The following KPNA3 variants were observed in gnomAD, a reference collection of about 807,000 sequenced individuals.
The protein encoded by KPNA3 is importin subunit alpha-4.
A neutral mutation model predicts 73.8 loss-of-function variants in KPNA3; 13 were observed. The observed-to-expected ratio is 0.18, with a 90% CI of 0.11 to 0.28. The LOEUF (loss-of-function observed/expected upper bound fraction) is 0.28, where lower values mean the gene tolerates loss of function less well. Ranked by LOEUF, KPNA3 falls within the 10% of genes least tolerant of loss-of-function variation. The pLI is 1.00. For missense variants in KPNA3, 360 were observed against 618.1 expected (o/e 0.58, Z 4.43); for synonymous variants, 186 against 206.9 (o/e 0.90, Z 0.87).
intron 1 of KPNA3, among the ~76,000 whole-genome samples, chr13:49,782,696 C>T (rs1211490657): frequency 1.3e-5 from 2 of 151,864 alleles, no homozygotes; most frequent in African/African-American, 4.8e-5. Context: ...TTGGACAACA[C>T]GGCGAAACCC....
At chr13:49,784,178 C>A (rs914767765) in intron 1 of KPNA3, among the ~76,000 whole-genome samples, 2 of 152,048 alleles carry the variant, frequency 1.3e-5, no homozygotes, top group Non-Finnish European at 2.9e-5. Context: ...GAGCCATGAT[C>A]GTGTCACTGC....
intron 1 of KPNA3, among the ~76,000 whole-genome samples, chr13:49,786,477 T>C (rs1327866626): frequency 6.6e-6 from 1 of 152,170 alleles, no homozygotes; most frequent in Non-Finnish European, 1.5e-5. Context: ...GAAAGGCTCA[T>C]GGAGAACTTT....
chr13:49,733,679 T>C (rs1016959959), intron 2 of KPNA3, among the ~76,000 whole-genome samples: 1 of 152,202 alleles, frequency 6.6e-6, no homozygotes, highest in African/African-American at 2.4e-5. Flanking sequence ...GCACTGACTG[T>C]AGGCATGGCT....
In KPNA3 at chr13:49,713,674, C is replaced by CACACACACACACACAA. The variant is rs563909268; in HGVS notation, c.772-2653_772-2652insTTGTGTGTGTGTGTGT. 3.5e-4 allele frequency among the ~76,000 whole-genome samples: 49 copies of CACACACACACACACAA among 142,006 alleles called. 3 individuals carry two copies. The highest frequency in any genetic ancestry group is 1.1e-3 in the South Asian group (5 of 4,438). 93.2% of individuals were successfully genotyped at this position (142,006 alleles called of 152,430 possible). ...ACACACACACACACACACACACACA[C>CACACACACACACACAA]AAAACAGAAAAACCCAACAACAAAA... is the stretch of plus-strand genomic sequence containing the variant. On this transcript the variant is annotated intron_variant, in intron 10 of 16. Coordinates refer to ENST00000261667, the MANE Select transcript of KPNA3 (RefSeq NM_002267.4).
chr13:49,705,827 C>G (rs1594427889), intron 14 of KPNA3, 44 bp from the exon 15 acceptor site: 4 of 1,463,794 alleles, frequency 2.7e-6, no homozygotes, highest in Non-Finnish European at 3.7e-6. Flanking sequence ...ATATAATTAT[C>G]TATTTCCCAG....
chr13:49,721,866 A>AT, intron 9 of KPNA3, 89 bp downstream of exon 9: 1 of 814,768 alleles, frequency 1.2e-6, no homozygotes. Flanking sequence ...TGAAATCAGT[A>AT]TATGTATTAT....
intron 1 of KPNA3, among the ~76,000 whole-genome samples, chr13:49,775,561 T>C (rs534181015): frequency 3.9e-5 from 6 of 152,290 alleles, no homozygotes; most frequent in South Asian, 2.1e-4. Context: ...TTCTAACTTA[T>C]ACATCTTCAT....
intron 10 of KPNA3, among the ~76,000 whole-genome samples, chr13:49,711,905 C>G (rs978807565): frequency 4.6e-5 from 7 of 152,132 alleles, no homozygotes; most frequent in Admixed American, 6.6e-5. Context: ...TTCAGCATTA[C>G]TAAGAGTCAG....
At chr13:49,704,557 A>G (rs1954188567) in intron 15 of KPNA3, among the ~76,000 whole-genome samples, 1 of 151,922 alleles carries the variant, frequency 6.6e-6, no homozygotes, top group African/African-American at 2.4e-5. Context: ...ATAAATAAAT[A>G]AATAAACAAT....
intron 1 of KPNA3, among the ~76,000 whole-genome samples, chr13:49,755,395 A>G (rs1280489898): frequency 6.6e-6 from 1 of 152,268 alleles, no homozygotes; most frequent in Admixed American, 6.5e-5. Context: ...ATTGAGAACA[A>G]GAAAATGGTG....
chr13:49,717,865 G>A (rs967991994), intron 10 of KPNA3, among the ~76,000 whole-genome samples: 4 of 152,164 alleles, frequency 2.6e-5, no homozygotes, highest in South Asian at 2.1e-4. Flanking sequence ...CTTTGTCAAC[G>A]AAGCTTTCTG....
chr13:49,722,608 G>T, intron 7 of KPNA3, 45 bp from the exon 8 acceptor site: 1 of 1,220,018 alleles, frequency 8.2e-7, no homozygotes, highest in Non-Finnish European at 1.2e-6. Flanking sequence ...ACATGTTGAA[G>T]AGTTTACAGA....
intron 1 of KPNA3, among the ~76,000 whole-genome samples, chr13:49,754,479 C>T (rs908563470): frequency 6.6e-6 from 1 of 151,874 alleles, no homozygotes; most frequent in South Asian, 2.1e-4. Flanking sequence ...GAGAAAGTCT[C>T]AAACCAATAA....
intron 6 of KPNA3, among the ~76,000 whole-genome samples, chr13:49,730,455 C>CATTGCAGTGAGCCAAG (rs1335724655): frequency 4.0e-5 from 5 of 125,088 alleles, no homozygotes; most frequent in Non-Finnish European, 7.9e-5. Flanking sequence ...GGGAGGCAGA[C>CATTGCAGTGAGCCAAG]ATTGCAGTGA....
chr13:49,701,789 C>G lies in KPNA3; in HGVS notation c.*11G>C. 2 of 1,524,710 alleles carry G rather than the reference C, an allele frequency of 1.3e-6. No homozygotes were observed. Among genetic ancestry groups the G allele is most frequent in the Non-Finnish European group, 1.8e-6 (2 of 1,098,704 alleles). The allele number at this position is 1,524,710 out of a possible 1,614,324, so 94.4% of individuals were successfully genotyped here. A position where few individuals can be genotyped will look rare whatever the true frequency, so the allele number is the denominator to read the frequency against. ...TATTGAATGTGGGAAAGATGCTGCA[C>G]TCAACTGAATTTAAAAATTAAATTC... On this transcript the variant is annotated 3_prime_UTR_variant, in exon 17 of 17. Transcript: ENST00000261667.
intron 16 of KPNA3, among the ~76,000 whole-genome samples, 172 bp from the exon 17 acceptor site, chr13:49,702,070 A>G (rs918419862): frequency 2.6e-5 from 4 of 152,232 alleles, no homozygotes; most frequent in African/African-American, 9.6e-5. Flanking sequence ...TTAAAATTTA[A>G]CACGTTTCGA....
rs376163982 is a variant in KPNA3 at position 49,792,551 on chromosome 13, G to C, written c.-45C>G. On this transcript the variant is annotated 5_prime_UTR_variant, in exon 1 of 17. Transcript: ENST00000261667. ...GGCGGCTACTCCTGCGGCTGCGGCG[G>C]CGGCGGCGGCGAATCTTGGAGCGGG... The C allele has an allele frequency of 5.7e-6, 8 of 1,394,752 alleles. No individual in the cohort carries two copies. Among genetic ancestry groups the C allele is most frequent in the Non-Finnish European group, 7.9e-6 (8 of 1,010,560 alleles). The allele number at this position is 1,394,752 out of a possible 1,614,324, so 86.4% of individuals were successfully genotyped here.
chr13:49,735,737 T>C (rs570711440), intron 2 of KPNA3, among the ~76,000 whole-genome samples: 1 of 152,342 alleles, frequency 6.6e-6, no homozygotes, highest in South Asian at 2.1e-4. Context: ...TATTAATCTA[T>C]TATCCACGTA....
At chr13:49,779,486 A>G (rs1405013174) in intron 1 of KPNA3, among the ~76,000 whole-genome samples, 1 of 151,862 alleles carries the variant, frequency 6.6e-6, no homozygotes, top group Non-Finnish European at 1.5e-5. Context: ...ATCTCTCCAC[A>G]TCTCACACAT....
Sources: gnomAD v4.1 joint callset for allele counts (sites outside exome capture counted in the v4.1 genomes callset) on GRCh38, gnomAD v4.1.1 for gene constraint, MANE v1.5 for transcripts, NCBI Gene and HGNC (gene_info 2026-07-23, HGNC 2026-07-21) for gene names.